Variants in AAK1 observed in about 807,000 individuals in gnomAD.
AAK1 encodes the protein AP2 associated kinase 1.
AAK1 carries 37 observed loss-of-function variants against 116.0 expected under a neutral mutation model. The observed-to-expected ratio is 0.32, with a 90% confidence interval of 0.25 to 0.42. The LOEUF (loss-of-function observed/expected upper bound fraction) is 0.42, where lower values mean the gene tolerates loss of function less well. AAK1 is among the 10% of genes least tolerant of loss of function. The probability of loss-of-function intolerance (pLI) is 1.00; values close to 1 mark genes in which losing one functional copy is unlikely to be tolerated. For synonymous variants in AAK1, 458 were observed against 439.9 expected (o/e 1.04, Z -0.51); for missense variants, 919 against 1,170.6 (o/e 0.79, Z 3.14).
chr2:69,487,682 T>C (rs1020100429), intron 17 of AAK1, among the ~76,000 whole-genome samples: 3 of 152,172 alleles, frequency 2.0e-5, no homozygotes, highest in African/African-American at 4.8e-5. Context: ...AAATTGTATT[T>C]TAGTAATGAT....
rs565323644 is a variant in AAK1 at position 69,473,576 on chromosome 2, G to A, written c.*2293C>T. On this transcript the variant is annotated 3_prime_UTR_variant, in exon 22 of 22. Transcript: ENST00000409085. Reference sequence around the variant, plus strand: ...CATTTTCATTAACTGCCTCCATTAAGCTTTACTGAGCCAAATGACTAGATA... The same window carrying A: ...CATTTTCATTAACTGCCTCCATTAAACTTTACTGAGCCAAATGACTAGATA... 1.0e-6 allele frequency: 1 copy of A among 985,240 alleles called. No individual in the cohort carries two copies. Among genetic ancestry groups the A allele is most frequent in the Non-Finnish European group, 1.2e-6 (1 of 829,846 alleles). The allele number at this position is 985,240 out of a possible 1,614,324, so 61.0% of individuals were successfully genotyped here. A position where few individuals can be genotyped will look rare whatever the true frequency, so the allele number is the denominator to read the frequency against.
rs77052028 is a variant in AAK1 at position 69,490,390 on chromosome 2, C to T, written c.2365+5595G>A. Reference sequence around the variant, plus strand: ...TCACAGAGGCATCTCTCACAAAAGACAAAAGATGGAAGCAACCCAAGTGTC... The same window carrying T: ...TCACAGAGGCATCTCTCACAAAAGATAAAAGATGGAAGCAACCCAAGTGTC... On this transcript the variant is annotated intron_variant, in intron 17 of 21. Transcript: ENST00000409085. 7.8e-3 allele frequency among the ~76,000 whole-genome samples: 1,190 copies of T among 152,138 alleles called. 22 individuals are homozygous for T. The highest frequency in any genetic ancestry group is 0.027 in the African/African-American group (1,133 of 41,512).
intron 16 of AAK1, among the ~76,000 whole-genome samples, chr2:69,505,188 T>C (rs980721376): frequency 6.6e-6 from 1 of 152,102 alleles, no homozygotes; most frequent in Non-Finnish European, 1.5e-5. Context: ...TAACAGAATA[T>C]TTAATTTTTA....
chr2:69,540,646 T>C (rs142892330), intron 5 of AAK1, among the ~76,000 whole-genome samples: 6 of 152,348 alleles, frequency 3.9e-5, no homozygotes, highest in East Asian at 1.9e-4. Context: ...CCTTCACGTA[T>C]TGCCGATGGA....
chr2:69,627,221 G>T (rs550773426), intron 2 of AAK1, among the ~76,000 whole-genome samples: 1 of 151,674 alleles, frequency 6.6e-6, no homozygotes, highest in East Asian at 1.9e-4. Context: ...CCCAGGAGAC[G>T]GAGGTTGCAG....
chr2:69,557,799 T>C (rs1026126062), intron 2 of AAK1, among the ~76,000 whole-genome samples: 2 of 152,212 alleles, frequency 1.3e-5, no homozygotes, highest in African/African-American at 2.4e-5. Flanking sequence ...ATTTCTATTA[T>C]AAATAGTTGT....
intron 2 of AAK1, among the ~76,000 whole-genome samples, chr2:69,612,299 C>A (rs916323504): frequency 1.4e-4 from 21 of 152,158 alleles, no homozygotes; most frequent in African/African-American, 5.1e-4. Flanking sequence ...TATGTAACCA[C>A]AACTTTTAAA....
chr2:69,623,282 T>G (rs947365056), intron 2 of AAK1, among the ~76,000 whole-genome samples: 1 of 152,178 alleles, frequency 6.6e-6, no homozygotes, highest in African/African-American at 2.4e-5. Context: ...GTCCGCGGCT[T>G]CATTCTTGAA....
rs763453357 is a variant in AAK1 at position 69,642,997 on chromosome 2, C to T, written c.44G>A (p.Gly15Asp). ...TCCTCCGCTGGAGCCGGAGCCCAGG[C>T]CAGAGCCGCCCTGCTCTCGCCGGGA... ...FDSRREQGGS[G>D]LGSGSSGGGG... The change falls in exon 2 of 22, where the codon GGC becomes GAC. Residue 15 changes from glycine (G) to aspartate (D), a missense_variant. Gly to Asp is a moderately conservative substitution (Grantham distance 94, BLOSUM62 -1). Around this residue, in one of 4 missense-constraint regions of AAK1, gnomAD observed 317 missense variants for 490.4 expected, o/e 0.65. Coordinates refer to ENST00000409085, the MANE Select transcript of AAK1 (RefSeq NM_014911.5). 2 of 1,611,612 alleles carry T rather than the reference C, an allele frequency of 1.2e-6. No homozygotes were observed. Among genetic ancestry groups the T allele is most frequent in the Non-Finnish European group, 1.7e-6 (2 of 1,178,966 alleles).
chr2:69,569,133 T>C (rs568395459), intron 2 of AAK1, among the ~76,000 whole-genome samples: 1 of 152,318 alleles, frequency 6.6e-6, no homozygotes, highest in South Asian at 2.1e-4. Context: ...GAATGACTCC[T>C]CTTAAAAGCA....
rs1674463757 is a variant in AAK1 at position 69,465,697 on chromosome 2, G to C, written c.*10172C>G. The stretch of plus-strand genomic sequence containing the variant: ...CCTGAGACAGCTTCTTTCTGGAGCT[G>C]AGGTCCTTTGTTTCTGTCATTAGAA... On this transcript the variant is annotated 3_prime_UTR_variant, in exon 22 of 22. Coordinates refer to ENST00000409085, the MANE Select transcript of AAK1 (RefSeq NM_014911.5). 7.7e-7 allele frequency: 1 copy of C among 1,290,798 alleles called. No homozygotes were observed. The highest frequency in any genetic ancestry group is 1.0e-6 in the Non-Finnish European group (1 of 988,896). 80.0% of individuals were successfully genotyped at this position (1,290,798 alleles called of 1,614,324 possible).
At chr2:69,587,312 T>C (rs1672813684) in intron 2 of AAK1, among the ~76,000 whole-genome samples, 1 of 150,128 alleles carries the variant, frequency 6.7e-6, no homozygotes, top group Non-Finnish European at 1.5e-5. Context: ...CGCATGTATA[T>C]ATACGCACAT....
In AAK1 at chr2:69,638,455, A is replaced by T. The variant is rs534706533; in HGVS notation, c.163+4423T>A. On this transcript the variant is annotated intron_variant, in intron 2 of 21. Transcript: ENST00000409085. Reference sequence around the variant, plus strand: ...GCACGGGGCTGAGGCACAGGAGGGGAGCCGTGCATTCTTGGTACCTATTCA... The same window carrying T: ...GCACGGGGCTGAGGCACAGGAGGGGTGCCGTGCATTCTTGGTACCTATTCA... Among the ~76,000 whole-genome samples, 3 of 152,054 alleles carry T rather than the reference A, an allele frequency of 2.0e-5. No individual in the cohort carries two copies. In the South Asian group the frequency reaches 6.3e-4, roughly 32 times the overall value.
rs1356963872 is a variant in AAK1 at position 69,474,391 on chromosome 2, G to A, written c.*1478C>T. On this transcript the variant is annotated 3_prime_UTR_variant, in exon 22 of 22. Coordinates refer to ENST00000409085, the MANE Select transcript of AAK1 (RefSeq NM_014911.5). ...TTCAAAAGGGTGATTTTATAAAAGT[G>A]CTTTCCACATAAGGAAATAAAATAC... 2 of 985,580 alleles carry A rather than the reference G, an allele frequency of 2.0e-6. No homozygotes were observed. The highest frequency in any genetic ancestry group is 3.5e-5 in the African/African-American group (2 of 57,204). The allele number at this position is 985,580 out of a possible 1,614,324, so 61.1% of individuals were successfully genotyped here.
Position 69,471,945 on chromosome 2 carries a change from G to C in AAK1, c.*3924C>G. 1 of 985,312 alleles carries C rather than the reference G, an allele frequency of 1.0e-6. No individual in the cohort carries two copies. Among genetic ancestry groups the C allele is most frequent in the Non-Finnish European group, 1.2e-6 (1 of 829,850 alleles). The allele number at this position is 985,312 out of a possible 1,614,324, so 61.0% of individuals were successfully genotyped here. ...TCTTGAGAAAGTAGTTCGTTTCTTGGGTTTGTTTTTCCACAAGTATTAGCA... is the reference window on the plus strand; with the variant it reads ...TCTTGAGAAAGTAGTTCGTTTCTTGCGTTTGTTTTTCCACAAGTATTAGCA... On this transcript the variant is annotated 3_prime_UTR_variant, in exon 22 of 22. Transcript: ENST00000409085.
chr2:69,570,174 C>G (rs1010591973), intron 2 of AAK1, among the ~76,000 whole-genome samples: 4 of 152,104 alleles, frequency 2.6e-5, no homozygotes, highest in African/African-American at 9.7e-5. Flanking sequence ...AATACTCCCT[C>G]TTCCTCACCT....
chr2:69,625,158 G>A (rs1317779797), intron 2 of AAK1, among the ~76,000 whole-genome samples: 7 of 152,230 alleles, frequency 4.6e-5, no homozygotes, highest in South Asian at 4.1e-4. Context: ...CAAGACCTTC[G>A]AACTCTCACT....
At chr2:69,641,474 G>GCC (rs1432403212) in intron 2 of AAK1, among the ~76,000 whole-genome samples, 10 of 152,312 alleles carry the variant, frequency 6.6e-5, no homozygotes, top group Non-Finnish European at 1.0e-4. Context: ...AGTGACTCTG[G>GCC]CCCCAGATAA....
intron 13 of AAK1, among the ~76,000 whole-genome samples, chr2:69,513,518 T>C (rs2104979366): frequency 6.6e-6 from 1 of 152,164 alleles, no homozygotes; most frequent in East Asian, 1.9e-4. Context: ...AGAGACGTGG[T>C]TTCACCACGT....
Sources: gnomAD v4.1 joint callset for allele counts (sites outside exome capture counted in the v4.1 genomes callset) on GRCh38, gnomAD v4.1.1 for gene constraint, gnomAD v4.1.1 regional missense constraint, MANE v1.5 for transcripts, NCBI Gene and HGNC (gene_info 2026-07-23, HGNC 2026-07-21) for gene names.